TENM3: variants seen among roughly 807,000 people sequenced by gnomAD.
TENM3 encodes the protein teneurin transmembrane protein 3.
In TENM3, 63 loss-of-function variants were observed where a neutral mutation model predicts 255.1. That is an observed-to-expected ratio of 0.25 (90% confidence interval 0.20 to 0.30). TENM3 has a LOEUF of 0.30. TENM3 is among the 10% of genes least tolerant of loss of function. TENM3 has a pLI of 1.00. For missense variants in TENM3, 2,929 were observed against 3,461.1 expected (o/e 0.85, Z 3.86); for synonymous variants, 1,306 against 1,322.3 (o/e 0.99, Z 0.27).
the TENM3 span, among the ~76,000 whole-genome samples, chr4:181,599,297 G>C: frequency 6.6e-6 from 1 of 152,184 alleles, no homozygotes; most frequent in Non-Finnish European, 1.5e-5. Flanking sequence ...AGAGCACAAA[G>C]AGAGACGATT....
At chr4:181,684,918 CTTTTTT>C in the TENM3 span, among the ~76,000 whole-genome samples, 8 of 45,052 alleles carry the variant, frequency 1.8e-4, no homozygotes, top group East Asian at 2.2e-3. Context: ...CCGTGCCTGG[CTTTTTT>C]TTTTTTTTTT....
chr4:181,493,691 C>T, the TENM3 span, among the ~76,000 whole-genome samples: 1 of 152,020 alleles, frequency 6.6e-6, no homozygotes, highest in African/African-American at 2.4e-5. Flanking sequence ...ATACAGTGAG[C>T]CGAAATCACA....
At chr4:182,590,209 T>C (rs1301465583) in intron 3 of TENM3, among the ~76,000 whole-genome samples, 1 of 152,118 alleles carries the variant, frequency 6.6e-6, no homozygotes, top group African/African-American at 2.4e-5. Flanking sequence ...GGAGATTTCT[T>C]ATTGTTCCCT....
the TENM3 span, among the ~76,000 whole-genome samples, chr4:181,814,800 C>T: frequency 1.3e-5 from 2 of 152,140 alleles, no homozygotes; most frequent in South Asian, 2.1e-4. Flanking sequence ...GGACTAGCAA[C>T]ATCCATAATC....
At chr4:181,781,641 A>G in the TENM3 span, among the ~76,000 whole-genome samples, 1 of 152,152 alleles carries the variant, frequency 6.6e-6, no homozygotes, top group Non-Finnish European at 1.5e-5. Context: ...CCTGGCCAGA[A>G]CTTCCAACGC....
At chr4:182,499,131 G>A (rs1311676652) in intron 3 of TENM3, among the ~76,000 whole-genome samples, 2 of 152,196 alleles carry the variant, frequency 1.3e-5, no homozygotes, top group Non-Finnish European at 2.9e-5. Flanking sequence ...TGGTAGGACT[G>A]TGAAATGATT....
chr4:182,547,864 T>C (rs1741601964), intron 3 of TENM3, among the ~76,000 whole-genome samples: 1 of 152,144 alleles, frequency 6.6e-6, no homozygotes, highest in African/African-American at 2.4e-5. Context: ...AATAAATGCT[T>C]TATTGTAGCC....
chr4:181,476,767 A>G, the TENM3 span, among the ~76,000 whole-genome samples: 6 of 152,132 alleles, frequency 3.9e-5, no homozygotes, highest in Non-Finnish European at 8.8e-5. Context: ...GGTTTCTGAG[A>G]CTTCAAAATT....
At chr4:182,562,354 T>A (rs1743289210) in intron 3 of TENM3, among the ~76,000 whole-genome samples, 1 of 152,176 alleles carries the variant, frequency 6.6e-6, no homozygotes, top group African/African-American at 2.4e-5. Context: ...TGCTGAATTG[T>A]GTCCTCTCAA....
the TENM3 span, among the ~76,000 whole-genome samples, chr4:182,030,495 G>C: frequency 6.6e-6 from 1 of 152,076 alleles, no homozygotes; most frequent in African/African-American, 2.4e-5. Context: ...ATGGACATTT[G>C]GGTTGATTCC....
chr4:181,823,124 G>A, the TENM3 span, among the ~76,000 whole-genome samples: 2 of 152,338 alleles, frequency 1.3e-5, no homozygotes, highest in Admixed American at 1.3e-4. Context: ...GCTATCTGCA[G>A]AGTGCTAAAT....
chr4:182,570,139 G>A (rs933682718), intron 3 of TENM3, among the ~76,000 whole-genome samples: 21 of 152,178 alleles, frequency 1.4e-4, no homozygotes, highest in Admixed American at 1.1e-3. Context: ...CCTGGACTCA[G>A]ACAATGGCAG....
chr4:181,604,777 G>C, the TENM3 span, among the ~76,000 whole-genome samples: 1 of 152,190 alleles, frequency 6.6e-6, no homozygotes, highest in Non-Finnish European at 1.5e-5. Flanking sequence ...ATGCATCCTA[G>C]TCATATAGCC....
intron 1 of TENM3, among the ~76,000 whole-genome samples, chr4:182,228,845 C>A (rs1301032216): frequency 2.0e-5 from 3 of 151,972 alleles, no homozygotes; most frequent in Non-Finnish European, 2.9e-5. Flanking sequence ...TGTATAATGA[C>A]TAAAAGGACT....
chr4:181,922,370 C>T, the TENM3 span, among the ~76,000 whole-genome samples: 7 of 152,052 alleles, frequency 4.6e-5, no homozygotes, highest in Non-Finnish European at 8.8e-5. Context: ...GTCCTGGACT[C>T]TTTTTGGTTG....
At chr4:181,885,540 G>T in the TENM3 span, among the ~76,000 whole-genome samples, 3 of 151,942 alleles carry the variant, frequency 2.0e-5, no homozygotes, top group Non-Finnish European at 4.4e-5. Context: ...GAATTACAGG[G>T]GTGAGCCACC....
At chr4:181,642,219 C>T in the TENM3 span, among the ~76,000 whole-genome samples, 1 of 150,954 alleles carries the variant, frequency 6.6e-6, no homozygotes, top group East Asian at 2.0e-4. Context: ...TCTCTAATGA[C>T]CAGTGATGAT....
the TENM3 span, among the ~76,000 whole-genome samples, chr4:181,740,867 G>A: frequency 4.9e-4 from 74 of 152,200 alleles, no homozygotes; most frequent in African/African-American, 1.7e-3. Context: ...GCTGTACTTT[G>A]CTGTACCTAC....
chr4:181,771,809 C>G, the TENM3 span, among the ~76,000 whole-genome samples: 4 of 152,190 alleles, frequency 2.6e-5, no homozygotes, highest in African/African-American at 9.6e-5. Context: ...TTTTGCGAAG[C>G]AAGGCTTTGG....
Sources: allele counts gnomAD v4.1 joint callset (sites outside exome capture counted in the v4.1 genomes callset), GRCh38; gene constraint gnomAD v4.1.1; transcripts MANE v1.5; gene names NCBI Gene and HGNC (gene_info 2026-07-23, HGNC 2026-07-21).